Variants in RPRD1A observed in about 807,000 individuals in gnomAD.
The protein encoded by RPRD1A is regulation of nuclear pre-mRNA domain-containing protein 1A.
Under a neutral mutation model 37.8 loss-of-function variants are expected in RPRD1A, and 9 were observed. The ratio of observed to expected loss-of-function variants is 0.24; its 90% CI spans 0.14 to 0.42. RPRD1A has a LOEUF of 0.42. RPRD1A is among the 10% of genes least tolerant of loss of function. RPRD1A has a pLI of 1.00. For missense variants in RPRD1A, 255 were observed against 371.0 expected, an observed-to-expected ratio of 0.69 and a Z score of 2.57; for synonymous variants, 138 against 139.7, an observed-to-expected ratio of 0.99 and a Z score of 0.08.
chr18:36,000,375 TTAATG>T (rs1345826965), intron 6 of RPRD1A, among the ~76,000 whole-genome samples: 2 of 152,226 alleles, frequency 1.3e-5, no homozygotes, highest in Non-Finnish European at 2.9e-5. Context: ...GGGAATTACT[TTAATG>T]TAAGTAAGTA....
intron 1 of RPRD1A, among the ~76,000 whole-genome samples, chr18:36,060,829 C>A (rs2088893562): frequency 6.6e-6 from 1 of 151,964 alleles, no homozygotes; most frequent in Non-Finnish European, 1.5e-5. Context: ...TTAATTGTTG[C>A]CAACCCTAGA....
At chr18:36,024,052 C>A (rs962496723) in intron 6 of RPRD1A, among the ~76,000 whole-genome samples, 1 of 152,152 alleles carries the variant, frequency 6.6e-6, no homozygotes, top group Admixed American at 6.5e-5. Context: ...CTTTCAACTT[C>A]ATAATGGTAA....
At chr18:36,045,997 A>G (rs1912926850) in intron 1 of RPRD1A, among the ~76,000 whole-genome samples, 1 of 152,232 alleles carries the variant, frequency 6.6e-6, no homozygotes, top group Non-Finnish European at 1.5e-5. Flanking sequence ...GCTACTGAAC[A>G]TGGACTGGGC....
chr18:35,995,617 T>G (rs539146823), intron 6 of RPRD1A, among the ~76,000 whole-genome samples: 1 of 152,282 alleles, frequency 6.6e-6, no homozygotes, highest in East Asian at 1.9e-4. Context: ...CATTGTAATT[T>G]GATATTTGAA....
Position 36,067,442 on chromosome 18 carries a change from G to A in RPRD1A, c.-38C>T, listed in dbSNP as rs781650625. 1.9e-6 allele frequency: 3 copies of A among 1,583,144 alleles called. No individual in the cohort carries two copies. The highest frequency in any genetic ancestry group is 2.3e-5 in the South Asian group (2 of 87,180). ...ACGTTCACGCCGTCCCACGCGGTGG[G>A]GCCGAGGGGAGGAGAGTTTCGCCGC... On this transcript the variant is annotated 5_prime_UTR_variant, in exon 1 of 7. Coordinates refer to ENST00000399022, the MANE Select transcript of RPRD1A (RefSeq NM_018170.5).
In RPRD1A at chr18:36,049,727, G is replaced by A. The variant is rs186676576; in HGVS notation, c.152-15890C>T. Among the ~76,000 whole-genome samples the A allele has an allele frequency of 1.4e-4, 22 of 152,280 alleles. No individual in the cohort carries two copies. The East Asian group carries it at 3.9e-3, about 27-fold the overall frequency. ...CATTTATCTGTTGTTGGACACTTGG[G>A]TTGCTTTCACCTTTTGGCTGTTGTG... On this transcript the variant is annotated intron_variant, in intron 1 of 6. Coordinates refer to ENST00000399022, the MANE Select transcript of RPRD1A (RefSeq NM_018170.5).
At chr18:36,040,281 C>T (rs1458838210) in intron 1 of RPRD1A, among the ~76,000 whole-genome samples, 4 of 152,086 alleles carry the variant, frequency 2.6e-5, no homozygotes, top group Admixed American at 6.5e-5. Flanking sequence ...TCACAGACAC[C>T]GCATTAGCTA....
chr18:36,023,938 G>T (rs746451113), intron 6 of RPRD1A, among the ~76,000 whole-genome samples: 1 of 152,166 alleles, frequency 6.6e-6, no homozygotes, highest in African/African-American at 2.4e-5. Flanking sequence ...CATAACTTTT[G>T]TATGTACTAG....
chr18:36,023,143 G>C (rs1911125187), intron 6 of RPRD1A, among the ~76,000 whole-genome samples: 1 of 152,194 alleles, frequency 6.6e-6, no homozygotes, highest in South Asian at 2.1e-4. Flanking sequence ...AGGCTATATA[G>C]CTGCCATAGT....
chr18:36,011,959 T>C (rs1326620952), intron 6 of RPRD1A, among the ~76,000 whole-genome samples: 2 of 152,212 alleles, frequency 1.3e-5, no homozygotes, highest in Non-Finnish European at 2.9e-5. Context: ...TTGTTCTGAG[T>C]AGCGTAATTA....
chr18:36,053,965 A>C (rs567549462), intron 1 of RPRD1A, among the ~76,000 whole-genome samples: 17 of 152,304 alleles, frequency 1.1e-4, no homozygotes, highest in African/African-American at 4.1e-4. Flanking sequence ...CTTTCACTGA[A>C]ATAGGAAAGG....
intron 4 of RPRD1A, among the ~76,000 whole-genome samples, chr18:36,029,367 T>C (rs1911601851): frequency 6.6e-6 from 1 of 152,220 alleles, no homozygotes; most frequent in African/African-American, 2.4e-5. Context: ...TGTGAGTTCC[T>C]GTTGCCCTTG....
At chr18:36,051,137 T>C (rs1413828465) in intron 1 of RPRD1A, among the ~76,000 whole-genome samples, 1 of 152,178 alleles carries the variant, frequency 6.6e-6, no homozygotes, top group East Asian at 1.9e-4. Context: ...AACTGTACAA[T>C]GATTACTAGT....
At chr18:36,015,213 CTTTTT>C (rs1198425451) in intron 6 of RPRD1A, among the ~76,000 whole-genome samples, 3 of 131,322 alleles carry the variant, frequency 2.3e-5, no homozygotes, top group African/African-American at 5.6e-5. Flanking sequence ...CATTCACATA[CTTTTT>C]TTTTTTTTTT....
chr18:36,001,582 A>G (rs1909419938), intron 6 of RPRD1A, among the ~76,000 whole-genome samples: 1 of 152,212 alleles, frequency 6.6e-6, no homozygotes, highest in Admixed American at 6.5e-5. Context: ...CAAGCAGGCC[A>G]AAAGTCAGAG....
chr18:36,027,231 G>T lies in RPRD1A; in HGVS notation c.566C>A (p.Ser189Tyr). The change falls in exon 5 of 7, where the codon TCT becomes TAT. Residue 189 changes from serine (S) to tyrosine (Y), a missense_variant. Ser to Tyr is a moderately radical substitution (Grantham distance 144). Transcript: ENST00000399022. ...GDAAVHQRIA[S>Y]LPVEVQEVSL... Reference sequence around the variant, plus strand: ...TACTTCTTGGACTTCAACAGGTAAAGAAGCTATCCTCTGATGAACTGCTGC... The same window carrying T: ...TACTTCTTGGACTTCAACAGGTAAATAAGCTATCCTCTGATGAACTGCTGC... 1 of 1,613,618 alleles carries T rather than the reference G, an allele frequency of 6.2e-7. No homozygotes were observed.
Position 36,027,210 on chromosome 18 carries a change from T to G in RPRD1A, c.587A>C (p.Glu196Ala). The change falls in exon 5 of 7, where the codon GAA becomes GCA. Residue 196 changes from glutamate to alanine, a missense_variant. Transcript: ENST00000399022. ...RIASLPVEVQ[E>A]VSLLDKITDK... ...TGTTATTTTATCTAATAGAGATACT[T>G]CTTGGACTTCAACAGGTAAAGAAGC... 1 of 1,613,920 alleles carries G rather than the reference T, an allele frequency of 6.2e-7. No individual in the cohort carries two copies.
chr18:35,996,745 G>A (rs972841798), intron 6 of RPRD1A, among the ~76,000 whole-genome samples: 5 of 152,056 alleles, frequency 3.3e-5, no homozygotes, highest in African/African-American at 1.2e-4. Flanking sequence ...TGAGGCCGAA[G>A]TGGGTGGAAT....
chr18:36,038,789 G>A (rs560276720), intron 1 of RPRD1A, among the ~76,000 whole-genome samples: 1 of 152,314 alleles, frequency 6.6e-6, no homozygotes, highest in South Asian at 2.1e-4. Context: ...ATGTGAGACA[G>A]GGAGTCAAAG....
Sources: gnomAD v4.1 joint callset for allele counts (sites outside exome capture counted in the v4.1 genomes callset) on GRCh38, gnomAD v4.1.1 for gene constraint, MANE v1.5 for transcripts, NCBI Gene and HGNC (gene_info 2026-07-23, HGNC 2026-07-21) for gene names.